The following TMEM132D variants were observed in gnomAD, a reference collection of about 807,000 sequenced individuals.
TMEM132D encodes transmembrane protein 132D.
In TMEM132D, 21 loss-of-function variants were observed where a neutral mutation model predicts 62.3. The ratio of observed to expected loss-of-function variants is 0.34; its 90% CI spans 0.24 to 0.49. The LOEUF (loss-of-function observed/expected upper bound fraction) is 0.49, where lower values mean the gene tolerates loss of function less well. Among genes scored for constraint, TMEM132D ranks in the 20% least tolerant of loss-of-function variants. TMEM132D has a pLI of 0.99. For missense variants in TMEM132D, 1,346 were observed against 1,402.8 expected, an observed-to-expected ratio of 0.96 and a Z score of 0.65; for synonymous variants, 621 against 575.6, an observed-to-expected ratio of 1.08 and a Z score of -1.13.
At chr12:129,209,930 T>C in intron 4 of TMEM132D, 1 of 458,638 alleles carries the variant, frequency 2.2e-6, no homozygotes, top group South Asian at 3.0e-5. Context: ...ACTAATATTG[T>C]GTTTGGCAAA....
intron 3 of TMEM132D, among the ~76,000 whole-genome samples, chr12:129,404,627 A>C (rs1371849198): frequency 6.6e-6 from 1 of 152,210 alleles, no homozygotes; most frequent in Non-Finnish European, 1.5e-5. Context: ...CAGCAGGAGA[A>C]GGAGCCATCA....
At chr12:129,897,507 G>A (rs1875181940) in intron 1 of TMEM132D, among the ~76,000 whole-genome samples, 1 of 152,078 alleles carries the variant, frequency 6.6e-6, no homozygotes, top group African/African-American at 2.4e-5. Flanking sequence ...ACAGTCCACT[G>A]GGCATGTCTG....
intron 1 of TMEM132D, among the ~76,000 whole-genome samples, chr12:129,789,175 T>G (rs1017297558): frequency 6.6e-6 from 1 of 152,122 alleles, no homozygotes; most frequent in Non-Finnish European, 1.5e-5. Flanking sequence ...CCGAGCAGTG[T>G]TCACTCTACC....
intron 2 of TMEM132D, among the ~76,000 whole-genome samples, chr12:129,618,705 G>A (rs1282112400): frequency 2.0e-5 from 3 of 152,166 alleles, no homozygotes; most frequent in Non-Finnish European, 2.9e-5. Context: ...AATACATACT[G>A]TGAACCCAAA....
chr12:129,401,157 A>G (rs1325500372), intron 3 of TMEM132D, among the ~76,000 whole-genome samples: 1 of 152,180 alleles, frequency 6.6e-6, no homozygotes, highest in Non-Finnish European at 1.5e-5. Flanking sequence ...GACCACTACA[A>G]TCTACTGGGG....
At chr12:129,273,804 G>T (rs1008633426) in intron 4 of TMEM132D, among the ~76,000 whole-genome samples, 1 of 151,644 alleles carries the variant, frequency 6.6e-6, no homozygotes, top group Non-Finnish European at 1.5e-5. Flanking sequence ...TCTATTGGGT[G>T]CTGTGCTCAC....
At position 129,080,398 on chromosome 12, in the gene TMEM132D, C is replaced by T. The variant is rs80301256; in HGVS notation, c.1923+1361G>A. Among the ~76,000 whole-genome samples the T allele has an allele frequency of 4.4e-3, 666 of 152,326 alleles. 2 individuals carry two copies. The highest frequency in any genetic ancestry group is 0.015 in the African/African-American group (625 of 41,578). ...TGTCTTTCAGCACACACCCAGCCTA[C>T]TCTCCTCACTGATGGTAGCTTCTCA... On this transcript the variant is annotated intron_variant, in intron 7 of 8. Coordinates refer to ENST00000422113, the MANE Select transcript of TMEM132D (RefSeq NM_133448.3).
chr12:129,890,471 C>A (rs1874885925), intron 1 of TMEM132D, among the ~76,000 whole-genome samples: 1 of 152,172 alleles, frequency 6.6e-6, no homozygotes, highest in East Asian at 1.9e-4. Flanking sequence ...AACCCTGGCT[C>A]CCTGGTACTC....
intron 5 of TMEM132D, among the ~76,000 whole-genome samples, chr12:129,196,105 C>A (rs763694304): frequency 1.3e-5 from 2 of 151,436 alleles, no homozygotes; most frequent in African/African-American, 4.9e-5. Flanking sequence ...CCAACCTGGG[C>A]GACAGAGTGA....
Position 129,509,794 on chromosome 12 carries a change from G to T in TMEM132D, c.1115+21265C>A, listed in dbSNP as rs554560606. Among the ~76,000 whole-genome samples the T allele has an allele frequency of 3.3e-5, 5 of 152,232 alleles. No homozygotes were observed. In the South Asian group the frequency reaches 6.2e-4, roughly 19 times the overall value. On this transcript the variant is annotated intron_variant, in intron 3 of 8. Transcript: ENST00000422113. Reference sequence around the variant, plus strand: ...TAGTTCCATCCATGTTGTTGCAAATGATAAGAGCTCATTCTTTTATGGCTG... The same window carrying T: ...TAGTTCCATCCATGTTGTTGCAAATTATAAGAGCTCATTCTTTTATGGCTG...
At chr12:129,291,659 A>G (rs1881452185) in intron 4 of TMEM132D, among the ~76,000 whole-genome samples, 1 of 152,204 alleles carries the variant, frequency 6.6e-6, no homozygotes, top group Non-Finnish European at 1.5e-5. Context: ...TGATTTAGTT[A>G]TTCTGACAGC....
chr12:129,378,900 T>G (rs1426237044), intron 3 of TMEM132D, among the ~76,000 whole-genome samples: 2 of 152,164 alleles, frequency 1.3e-5, no homozygotes, highest in African/African-American at 4.8e-5. Context: ...AAATAACAAA[T>G]GCAATGTCTC....
In TMEM132D at chr12:129,218,153, C is replaced by T. The variant is rs564386045; in HGVS notation, c.1300-8490G>A. Among the ~76,000 whole-genome samples the T allele has an allele frequency of 4.1e-4, 63 of 152,268 alleles. No individual in the cohort carries two copies. The South Asian group carries it at 6.2e-3, about 15-fold the overall frequency. Reference sequence around the variant, plus strand: ...TCTCTAGCATTGTCCTGGTTCCTACCTTTTCTGAGGGCTTTTTGTCCAGCT... The same window carrying T: ...TCTCTAGCATTGTCCTGGTTCCTACTTTTTCTGAGGGCTTTTTGTCCAGCT... On this transcript the variant is annotated intron_variant, in intron 4 of 8. Coordinates refer to ENST00000422113, the MANE Select transcript of TMEM132D (RefSeq NM_133448.3).
intron 1 of TMEM132D, among the ~76,000 whole-genome samples, chr12:129,849,361 T>G (rs1038471316): frequency 6.6e-6 from 1 of 152,186 alleles, no homozygotes; most frequent in African/African-American, 2.4e-5. Flanking sequence ...ACCATACTTG[T>G]TTTTCTAGGG....
intron 4 of TMEM132D, among the ~76,000 whole-genome samples, chr12:129,321,852 C>T (rs969064031): frequency 6.6e-6 from 1 of 152,238 alleles, no homozygotes; most frequent in Non-Finnish European, 1.5e-5. Flanking sequence ...AGCCACTGCA[C>T]CCGGCCGAGG....
intron 5 of TMEM132D, among the ~76,000 whole-genome samples, chr12:129,162,425 T>C (rs955465677): frequency 2.6e-5 from 4 of 152,208 alleles, no homozygotes; most frequent in African/African-American, 7.2e-5. Flanking sequence ...TATTTTGTTA[T>C]GGCAGTCGGA....
intron 1 of TMEM132D, among the ~76,000 whole-genome samples, chr12:129,833,806 G>A (rs549817471): frequency 6.6e-6 from 1 of 152,172 alleles, no homozygotes; most frequent in Non-Finnish European, 1.5e-5. Context: ...TAACAAGTCG[G>A]TGTCAGTCTA....
At chr12:129,091,342 C>G in intron 5 of TMEM132D, among the ~76,000 whole-genome samples, 2 of 146,142 alleles carry the variant, frequency 1.4e-5, no homozygotes, top group African/African-American at 2.6e-5. Context: ...CCTTACCTAT[C>G]CTCACCTGGG....
chr12:129,561,865 G>C (rs1056337439), intron 2 of TMEM132D, among the ~76,000 whole-genome samples: 2 of 152,160 alleles, frequency 1.3e-5, no homozygotes, highest in African/African-American at 4.8e-5. Context: ...ACCAGTTAAG[G>C]CTCAGCTTAT....
Sources: allele counts gnomAD v4.1 joint callset (sites outside exome capture counted in the v4.1 genomes callset), GRCh38; gene constraint gnomAD v4.1.1; transcripts MANE v1.5; gene names NCBI Gene and HGNC (gene_info 2026-07-23, HGNC 2026-07-21).